The following KDM2B variants were observed in gnomAD, a reference collection of about 807,000 sequenced individuals.
The protein encoded by KDM2B is lysine-specific demethylase 2B.
In KDM2B, 26 loss-of-function variants were observed where a neutral mutation model predicts 150.0. The ratio of observed to expected loss-of-function variants is 0.17; its 90% confidence interval spans 0.13 to 0.24. The LOEUF is 0.24. Ranked by LOEUF, KDM2B falls within the 10% of genes least tolerant of loss-of-function variation. KDM2B has a pLI of 1.00. For missense variants in KDM2B, 1,265 were observed against 1,816.9 expected, an observed-to-expected ratio of 0.70 and a Z score of 5.52; for synonymous variants, 734 against 729.5, an observed-to-expected ratio of 1.01 and a Z score of -0.10.
Position 121,549,859 on chromosome 12 carries a change from C to T in KDM2B, c.398-221G>A, listed in dbSNP as rs1162861816. On this transcript the variant is annotated intron_variant, in intron 4 of 22. Coordinates refer to ENST00000377071, the MANE Select transcript of KDM2B (RefSeq NM_032590.5). This position sits in a 1 kb window ranked among gnomAD's most constrained non-coding sequence, Gnocchi z 4.4. ...CCACCATGGCCTCCACGCCAGTCTG[C>T]GATGACCTCAAAAGCTACCTAAAGG... Among the ~76,000 whole-genome samples the T allele has an allele frequency of 2.1e-5, 3 of 145,474 alleles. No individual in the cohort carries two copies. Among genetic ancestry groups the T allele is most frequent in the Admixed American group, 6.8e-5 (1 of 14,774 alleles).
rs1593971293 is a variant in KDM2B, at chr12:121,502,593, C to G, written c.1647+6974G>C. Among the ~76,000 whole-genome samples, 3 of 151,572 alleles carry G rather than the reference C, an allele frequency of 2.0e-5. No individual in the cohort carries two copies. In the South Asian group the frequency reaches 6.3e-4, roughly 32 times the overall value. On this transcript the variant is annotated intron_variant, in intron 11 of 22. Coordinates refer to ENST00000377071, the MANE Select transcript of KDM2B (RefSeq NM_032590.5). ...CCAAGATCACACCACTGCAGTCCAG[C>G]CTGGGCAACAGAGAGAGACTCGGAC...
rs147622612 is a variant in KDM2B, at chr12:121,555,862, A to G, written c.398-6224T>C. On this transcript the variant is annotated intron_variant, in intron 4 of 22. Coordinates refer to ENST00000377071, the MANE Select transcript of KDM2B (RefSeq NM_032590.5). ...GAATGCCTTGGTACCCTCCTTGCAT[A>G]AAGAGTGAATTCCCACTCTATTAGT... 2.0e-5 allele frequency among the ~76,000 whole-genome samples: 3 copies of G among 152,252 alleles called. No homozygotes were observed. In the East Asian group the frequency reaches 5.8e-4, roughly 29 times the overall value.
chr12:121,550,823 C>T (rs1381072681), intron 4 of KDM2B, among the ~76,000 whole-genome samples: 1 of 151,926 alleles, frequency 6.6e-6, no homozygotes, highest in Non-Finnish European at 1.5e-5. Context: ...AATAGCCATA[C>T]GTTTTGAGGG....
chr12:121,480,593 A>G (rs1228622996), intron 12 of KDM2B, among the ~76,000 whole-genome samples: 1 of 139,544 alleles, frequency 7.2e-6, no homozygotes, highest in Non-Finnish European at 1.5e-5. Flanking sequence ...CAAAAAAAAA[A>G]AAAAAAAAAA....
At position 121,468,073 on chromosome 12, in the gene KDM2B, T is replaced by A. The variant is rs1880321867; in HGVS notation, c.1735-14729A>T. On this transcript the variant is annotated intron_variant, in intron 12 of 22. Coordinates refer to ENST00000377071, the MANE Select transcript of KDM2B (RefSeq NM_032590.5). The surrounding 1 kb of genome is among the most constrained non-coding windows in gnomAD (Gnocchi z 4.0). Reference sequence around the variant, plus strand: ...CCTGACGGGGGCTGTCAGAACGCCCTGACTCTACCCTGAGGTGGGCGCCCC... The same window carrying A: ...CCTGACGGGGGCTGTCAGAACGCCCAGACTCTACCCTGAGGTGGGCGCCCC... 1 of 152,266 alleles carries A rather than the reference T, an allele frequency of 6.6e-6. No individual in the cohort carries two copies. The highest frequency in any genetic ancestry group is 1.5e-5 in the Non-Finnish European group (1 of 68,098). The allele number at this position is 152,266 out of a possible 1,614,324, so 9.4% of individuals were successfully genotyped here.
At chr12:121,560,119 C>G (rs557690842) in intron 4 of KDM2B, among the ~76,000 whole-genome samples, 1 of 152,220 alleles carries the variant, frequency 6.6e-6, no homozygotes, top group African/African-American at 2.4e-5. Flanking sequence ...ATCCTCCGAC[C>G]TCAGCCTCCC....
intron 6 of KDM2B, among the ~76,000 whole-genome samples, chr12:121,543,542 T>C (rs1888769771): frequency 4.6e-5 from 7 of 151,638 alleles, no homozygotes; most frequent in Admixed American, 4.6e-4. Context: ...TTTAAAAAGA[T>C]CAGCCGGGCC....
chr12:121,557,878 T>C (rs1243439653), intron 4 of KDM2B, among the ~76,000 whole-genome samples: 5 of 152,194 alleles, frequency 3.3e-5, no homozygotes. Flanking sequence ...CATGGCTCCA[T>C]AAATGTGACA....
intron 22 of KDM2B, among the ~76,000 whole-genome samples, chr12:121,433,938 G>A (rs1301672295): frequency 1.3e-5 from 2 of 152,094 alleles, no homozygotes; most frequent in African/African-American, 4.8e-5. Flanking sequence ...CCAGCACTTG[G>A]GAGGCTGAGG....
At position 121,442,531 on chromosome 12, in the gene KDM2B, C is replaced by T. The variant is rs782727042; in HGVS notation, c.2910G>A (p.Gln970=). The T allele has an allele frequency of 6.3e-7, 1 of 1,599,754 alleles. No homozygotes were observed. The part of the protein sequence containing the change: ...RTENSLANEN[Q]QPIKSEPESE... ...TCTCAGGCTCCGACTTGATGGGCTG[C>T]TGGTTCTCGTTGGCCAGGCTGTTCT... Residue 970 remains glutamine (Q), a synonymous_variant, in exon 19 of 23, where the codon CAG becomes CAA. Transcript: ENST00000377071. This position sits in a 1 kb window ranked among gnomAD's most constrained non-coding sequence, Gnocchi z 7.7.
intron 12 of KDM2B, among the ~76,000 whole-genome samples, chr12:121,458,660 G>A (rs1043259642): frequency 6.6e-6 from 1 of 152,070 alleles, no homozygotes; most frequent in African/African-American, 2.4e-5. Flanking sequence ...AATTAGCCAG[G>A]CATGGTGGCA....
intron 13 of KDM2B, among the ~76,000 whole-genome samples, chr12:121,446,524 T>C (rs1211218241): frequency 2.0e-5 from 3 of 152,212 alleles, no homozygotes; most frequent in Non-Finnish European, 4.4e-5. Flanking sequence ...ATGCGTAAAG[T>C]GCCTCGGCAC....
chr12:121,577,836 C>A (rs1204946436), intron 2 of KDM2B, among the ~76,000 whole-genome samples: 1 of 152,162 alleles, frequency 6.6e-6, no homozygotes, highest in Non-Finnish European at 1.5e-5. Flanking sequence ...CAACCAGGAG[C>A]CACACTGGCT....
intron 12 of KDM2B, among the ~76,000 whole-genome samples, chr12:121,478,592 C>A (rs1467037316): frequency 2.0e-5 from 3 of 151,760 alleles, no homozygotes; most frequent in Non-Finnish European, 4.4e-5. Context: ...ATCTTCTGAC[C>A]TCATGATCCA....
At chr12:121,573,113 T>G (rs1335427637) in intron 4 of KDM2B, among the ~76,000 whole-genome samples, 12 of 144,402 alleles carry the variant, frequency 8.3e-5, no homozygotes, top group Middle Eastern at 3.4e-3. Context: ...TGTGAGCCAC[T>G]GTGCCCGGCC....
At chr12:121,465,146 A>G (rs1879695174) in intron 12 of KDM2B, among the ~76,000 whole-genome samples, 1 of 152,232 alleles carries the variant, frequency 6.6e-6, no homozygotes, top group Non-Finnish European at 1.5e-5. Flanking sequence ...GGACTCCACA[A>G]GTGCCACAAT....
intron 22 of KDM2B, among the ~76,000 whole-genome samples, 175 bp downstream of exon 22, chr12:121,439,682 C>CA (rs1392599573): frequency 2.6e-5 from 4 of 152,168 alleles, no homozygotes; most frequent in Non-Finnish European, 5.9e-5. Context: ...ACCCGGCCAA[C>CA]AGTAACTCTT....
intron 12 of KDM2B, among the ~76,000 whole-genome samples, chr12:121,488,633 G>A (rs146449856): frequency 1.3e-4 from 20 of 152,234 alleles, no homozygotes; most frequent in African/African-American, 4.3e-4. Context: ...ATTGGTTTTT[G>A]TTTCCCAAGA....
At chr12:121,558,970 G>C (rs142562687) in intron 4 of KDM2B, among the ~76,000 whole-genome samples, 1 of 152,100 alleles carries the variant, frequency 6.6e-6, no homozygotes, top group African/African-American at 2.4e-5. Context: ...CTTGGCCTCC[G>C]CTACTTTGCA....
Sources: gnomAD v4.1 joint callset for allele counts (sites outside exome capture counted in the v4.1 genomes callset) on GRCh38, gnomAD v4.1.1 for gene constraint, Gnocchi (gnomAD v3.1) non-coding constraint, MANE v1.5 for transcripts, NCBI Gene and HGNC (gene_info 2026-07-23, HGNC 2026-07-21) for gene names.